The following SLC38A1 variants were observed in gnomAD, a reference collection of about 807,000 sequenced individuals.
The protein encoded by SLC38A1 is solute carrier family 38 member 1.
In SLC38A1, 18 loss-of-function variants were observed where a neutral mutation model predicts 60.3. The observed-to-expected ratio is 0.30, with a 90% CI of 0.21 to 0.44. The LOEUF is 0.44. Among genes scored for constraint, SLC38A1 ranks in the 20% least tolerant of loss-of-function variants. The pLI is 1.00. For synonymous variants in SLC38A1, 196 were observed against 212.1 expected (o/e 0.92, Z 0.66); for missense variants, 448 against 587.2 (o/e 0.76, Z 2.45).
At chr12:46,204,624 T>C in intron 9 of SLC38A1, 34 bp from the exon 10 acceptor site, 1 of 1,536,900 alleles carries the variant, frequency 6.5e-7, no homozygotes, top group Non-Finnish European at 8.8e-7. Context: ...ATTATTTCAT[T>C]TTTTTCCATT....
chr12:46,249,011 C>T (rs1941729648), intron 1 of SLC38A1, among the ~76,000 whole-genome samples: 1 of 152,016 alleles, frequency 6.6e-6, no homozygotes, highest in South Asian at 2.1e-4. Flanking sequence ...AAAAAATTAA[C>T]CAGGTGCGGT....
At position 46,184,164 on chromosome 12, in the gene SLC38A1, T is replaced by A. The variant is rs1312536974; in HGVS notation, c.*4806A>T. 2 of 152,612 alleles carry A rather than the reference T, an allele frequency of 1.3e-5. No individual in the cohort carries two copies. The highest frequency in any genetic ancestry group is 2.4e-5 in the African/African-American group (1 of 41,472). The allele number at this position is 152,612 out of a possible 1,614,324, so 9.5% of individuals were successfully genotyped here. ...GAAAATGTCTGCACCTTGTGAACTT[T>A]ACATATTTTGCAAGAACTTTCTCTT... On this transcript the variant is annotated 3_prime_UTR_variant, in exon 17 of 17. Transcript: ENST00000398637.
At chr12:46,241,156 T>C (rs1043727015) in intron 2 of SLC38A1, among the ~76,000 whole-genome samples, 1 of 152,124 alleles carries the variant, frequency 6.6e-6, no homozygotes, top group African/African-American at 2.4e-5. Flanking sequence ...GCTGGTTTTT[T>C]TTAAAAAAAA....
rs1938971469 is a variant in SLC38A1, at chr12:46,187,353, G to A, written c.*1617C>T. ...AGAAATCTGTGCTCAGTGAACTTATGTGTTTGGAAAATTTAACCAGAATAT... is the reference window on the plus strand; with the variant it reads ...AGAAATCTGTGCTCAGTGAACTTATATGTTTGGAAAATTTAACCAGAATAT... On this transcript the variant is annotated 3_prime_UTR_variant, in exon 17 of 17. Transcript: ENST00000398637. 1 of 152,198 alleles carries A rather than the reference G, an allele frequency of 6.6e-6. No homozygotes were observed. The highest frequency in any genetic ancestry group is 2.1e-4 in the South Asian group (1 of 4,832). 9.4% of individuals were successfully genotyped at this position (152,198 alleles called of 1,614,324 possible).
At chr12:46,260,772 T>C (rs759200299) in intron 1 of SLC38A1, among the ~76,000 whole-genome samples, 1 of 152,166 alleles carries the variant, frequency 6.6e-6, no homozygotes, top group Non-Finnish European at 1.5e-5. Flanking sequence ...CCTGCCAACA[T>C]TCCTTCACAA....
intron 1 of SLC38A1, among the ~76,000 whole-genome samples, chr12:46,252,939 T>A (rs1478633777): frequency 7.5e-6 from 1 of 132,574 alleles, no homozygotes; most frequent in Non-Finnish European, 1.6e-5. Flanking sequence ...AGTAAAACAA[T>A]CCAGAAACAG....
intron 2 of SLC38A1, among the ~76,000 whole-genome samples, chr12:46,242,183 C>A (rs1283622804): frequency 1.3e-5 from 2 of 152,216 alleles, no homozygotes; most frequent in East Asian, 1.9e-4. Flanking sequence ...AATACTAGTA[C>A]AAATTAATCA....
At position 46,183,971 on chromosome 12, in the gene SLC38A1, C is replaced by A. The variant is rs1181181793; in HGVS notation, c.*4999G>T. 1.3e-5 allele frequency: 2 copies of A among 152,580 alleles called. No homozygotes were observed. Among genetic ancestry groups the A allele is most frequent in the Non-Finnish European group, 2.9e-5 (2 of 68,014 alleles). 9.5% of individuals were successfully genotyped at this position (152,580 alleles called of 1,614,324 possible). A position where few individuals can be genotyped will look rare whatever the true frequency, so the allele number is the denominator to read the frequency against. On this transcript the variant is annotated 3_prime_UTR_variant, in exon 17 of 17. Transcript: ENST00000398637. The stretch of plus-strand genomic sequence containing the variant: ...CTATTTCAGTGCAGATCAACAACTT[C>A]AAAAATATACAGCCTCCTATTTATT...
At chr12:46,190,855 G>A (rs1407886598) in intron 16 of SLC38A1, among the ~76,000 whole-genome samples, 1 of 152,192 alleles carries the variant, frequency 6.6e-6, no homozygotes, top group East Asian at 1.9e-4. Flanking sequence ...TGGGTAGACT[G>A]CAAAGATTTT....
chr12:46,191,394 T>A (rs1042457733), intron 16 of SLC38A1, among the ~76,000 whole-genome samples: 1 of 152,184 alleles, frequency 6.6e-6, no homozygotes, highest in Non-Finnish European at 1.5e-5. Context: ...TCTTTTTGCA[T>A]AGGATTGTCT....
chr12:46,236,834 A>T (rs1941277351), intron 3 of SLC38A1, among the ~76,000 whole-genome samples: 1 of 152,192 alleles, frequency 6.6e-6, no homozygotes, highest in African/African-American at 2.4e-5. Flanking sequence ...CCCACCCCAG[A>T]CTTACAGAAT....
At chr12:46,201,232 A>G (rs563150553) in intron 12 of SLC38A1, 34 bp from the exon 13 acceptor site, 18 of 1,528,088 alleles carry the variant, frequency 1.2e-5, no homozygotes, top group Middle Eastern at 1.7e-4. Context: ...ATTAAAAATC[A>G]TATGACTGAA....
chr12:46,201,131 A>G lies in SLC38A1; in HGVS notation c.970T>C (p.Leu324=). Residue 324 remains leucine, a synonymous_variant, in exon 13 of 17, where the codon TTG becomes CTG. Coordinates refer to ENST00000398637, the MANE Select transcript of SLC38A1 (RefSeq NM_030674.4). ...SFFAMFVMYF[L]TAIFGYLTFY... ...GTCAAGTAGCCAAAAATGGCAGTCA[A>G]GAAGTACATAACAAACATGGCGAAA... The G allele has an allele frequency of 7.4e-6, 12 of 1,613,592 alleles. No homozygotes were observed. The highest frequency in any genetic ancestry group is 1.0e-5 in the Non-Finnish European group (12 of 1,179,740).
At chr12:46,225,688 C>T (rs1041343180) in intron 5 of SLC38A1, among the ~76,000 whole-genome samples, 11 of 152,142 alleles carry the variant, frequency 7.2e-5, no homozygotes, top group Admixed American at 7.2e-4. Flanking sequence ...TGCGAACAAG[C>T]CCCACTCATG....
At chr12:46,203,207 C>T (rs375339493) in intron 11 of SLC38A1, 118 bp from the exon 12 acceptor site, 33 of 831,130 alleles carry the variant, frequency 4.0e-5, no homozygotes, top group African/African-American at 1.7e-4. Context: ...CTGGATTATT[C>T]GGTTATTAGG....
chr12:46,266,054 T>A (rs1421324526), intron 1 of SLC38A1, among the ~76,000 whole-genome samples: 1 of 152,126 alleles, frequency 6.6e-6, no homozygotes, highest in African/African-American at 2.4e-5. Context: ...AAGACTCTCA[T>A]TTTCAAACTT....
chr12:46,184,731 A>G lies in SLC38A1; in HGVS notation c.*4239T>C, dbSNP rs865919841. ...TAACACAAACACTGGAGAACTTCTGACACAAATTCAGTATTTCTTCTAAGT... is the reference window on the plus strand; with the variant it reads ...TAACACAAACACTGGAGAACTTCTGGCACAAATTCAGTATTTCTTCTAAGT... On this transcript the variant is annotated 3_prime_UTR_variant, in exon 17 of 17. Transcript: ENST00000398637. 5.3e-5 allele frequency: 8 copies of G among 152,232 alleles called. No individual in the cohort carries two copies. Among genetic ancestry groups the G allele is most frequent in the Admixed American group, 3.9e-4 (6 of 15,288 alleles). The allele number at this position is 152,232 out of a possible 1,614,324, so 9.4% of individuals were successfully genotyped here.
chr12:46,249,139 G>A (rs985019054), intron 1 of SLC38A1, among the ~76,000 whole-genome samples: 1 of 121,676 alleles, frequency 8.2e-6, no homozygotes, highest in Non-Finnish European at 1.6e-5. Flanking sequence ...CAGGGTGATA[G>A]AGTGAGACTC....
At chr12:46,206,933 T>C (rs1320349815) in intron 8 of SLC38A1, among the ~76,000 whole-genome samples, 5 of 152,190 alleles carry the variant, frequency 3.3e-5, no homozygotes, top group African/African-American at 9.7e-5. Flanking sequence ...CTACCGCTCA[T>C]AGCATGACAG....
Sources: allele counts gnomAD v4.1 joint callset (sites outside exome capture counted in the v4.1 genomes callset), GRCh38; gene constraint gnomAD v4.1.1; transcripts MANE v1.5; gene names NCBI Gene and HGNC (gene_info 2026-07-23, HGNC 2026-07-21).